The following GPC5 variants were observed in gnomAD, a reference collection of about 807,000 sequenced individuals.
GPC5 encodes the protein glypican-5.
Under a neutral mutation model 53.9 loss-of-function variants are expected in GPC5, and 47 were observed. That is an observed-to-expected ratio of 0.87 (90% CI 0.69 to 1.11). The LOEUF (loss-of-function observed/expected upper bound fraction) is 1.11. Among genes scored for constraint, GPC5 ranks in the 50% most tolerant of loss-of-function variants. The pLI is 0.00. For synonymous variants in GPC5, 286 were observed against 263.3 expected, an observed-to-expected ratio of 1.09 and a Z score of -0.84; for missense variants, 748 against 713.1, an observed-to-expected ratio of 1.05 and a Z score of -0.56.
rs191877055 is a variant in GPC5 at position 91,451,824 on chromosome 13, A to C, written c.325+2902A>C. Among the ~76,000 whole-genome samples, 633 of 150,886 alleles carry C rather than the reference A, an allele frequency of 4.2e-3. 3 individuals carry two copies. Among genetic ancestry groups the C allele is most frequent in the Non-Finnish European group, 7.5e-3 (506 of 67,646 alleles). On this transcript the variant is annotated intron_variant, in intron 2 of 7. Transcript: ENST00000377067. ...GTAGAGACGGGGTTTCAACATGTTG[A>C]CCAGGCTGGTCTTGAACTTCTGACC...
chr13:92,745,594 A>G (rs1889221517), intron 7 of GPC5, among the ~76,000 whole-genome samples: 1 of 152,098 alleles, frequency 6.6e-6, no homozygotes, highest in Non-Finnish European at 1.5e-5. Context: ...TCTGGTCATT[A>G]GGGTAAAATA....
chr13:91,904,140 CTTTTTT>C (rs57293387), intron 5 of GPC5, among the ~76,000 whole-genome samples: 1 of 94,668 alleles, frequency 1.1e-5, no homozygotes, highest in Non-Finnish European at 2.0e-5. Context: ...TCTTTTCTTT[CTTTTTT>C]TTTTTTTTTT....
rs575303716 is a variant in GPC5, at chr13:92,691,850, A to G, written c.1562-174432A>G. 2.0e-4 allele frequency among the ~76,000 whole-genome samples: 30 copies of G among 151,950 alleles called. No homozygotes were observed. The South Asian group carries it at 5.2e-3, about 26-fold the overall frequency. The stretch of plus-strand genomic sequence containing the variant: ...ATTACAGTTTTACACCTTCAATTCA[A>G]TTATTGCTGATATGGAAAAACTTTT... On this transcript the variant is annotated intron_variant, in intron 7 of 7. Transcript: ENST00000377067.
At chr13:91,831,666 TA>T (rs2038661111) in intron 5 of GPC5, among the ~76,000 whole-genome samples, 1 of 150,734 alleles carries the variant, frequency 6.6e-6, no homozygotes, top group Non-Finnish European at 1.5e-5. Context: ...TCATTAATCC[TA>T]AAACTTTGAA....
At chr13:92,855,193 T>C (rs957760719) in intron 7 of GPC5, among the ~76,000 whole-genome samples, 4 of 152,020 alleles carry the variant, frequency 2.6e-5, no homozygotes, top group African/African-American at 7.2e-5. Context: ...CTAGTATATA[T>C]AGCACCAGGC....
Position 91,413,354 on chromosome 13 carries a change from T to TA in GPC5, c.163+14156dup, listed in dbSNP as rs35283458. Among the ~76,000 whole-genome samples the TA allele has an allele frequency of 4.9e-3, 723 of 146,152 alleles. 7 individuals carry two copies. Among genetic ancestry groups the TA allele is most frequent in the African/African-American group, 0.015 (615 of 40,076 alleles). On this transcript the variant is annotated intron_variant, in intron 1 of 7. Coordinates refer to ENST00000377067, the MANE Select transcript of GPC5 (RefSeq NM_004466.6). ...AGGAAAAAGCAAATATGGCCCCACT[T>TA]AAAAAAAAAAACTACTTACATATCG...
chr13:91,861,930 T>C (rs911265365), intron 5 of GPC5, among the ~76,000 whole-genome samples: 1 of 151,752 alleles, frequency 6.6e-6, no homozygotes, highest in Non-Finnish European at 1.5e-5. Context: ...ATATACAATG[T>C]AAAAAACTGA....
intron 4 of GPC5, among the ~76,000 whole-genome samples, chr13:91,732,694 T>A (rs2036727525): frequency 6.6e-6 from 1 of 152,214 alleles, no homozygotes; most frequent in Admixed American, 6.5e-5. Flanking sequence ...GAGTTAATTT[T>A]TATATAGGGT....
intron 5 of GPC5, among the ~76,000 whole-genome samples, chr13:91,781,125 CAAGCTT>C (rs2037792261): frequency 6.6e-6 from 1 of 152,144 alleles, no homozygotes; most frequent in Admixed American, 6.6e-5. Flanking sequence ...CACAAGTGCA[CAAGCTT>C]AATAAAGGCA....
At chr13:92,788,848 C>T (rs1197438397) in intron 7 of GPC5, among the ~76,000 whole-genome samples, 2 of 152,120 alleles carry the variant, frequency 1.3e-5, no homozygotes, top group African/African-American at 2.4e-5. Flanking sequence ...GGAAAAGCCT[C>T]GGTGTATGGC....
intron 7 of GPC5, among the ~76,000 whole-genome samples, chr13:92,224,282 A>G (rs1208058076): frequency 6.6e-6 from 1 of 152,228 alleles, no homozygotes; most frequent in Non-Finnish European, 1.5e-5. Context: ...AACGGAGAAT[A>G]ATAAATGAAG....
intron 2 of GPC5, among the ~76,000 whole-genome samples, chr13:91,540,898 AAC>A (rs1375321838): frequency 2.0e-5 from 3 of 152,168 alleles, no homozygotes; most frequent in African/African-American, 7.2e-5. Context: ...AGAAAAAAAA[AAC>A]AGTGGCCACA....
intron 7 of GPC5, among the ~76,000 whole-genome samples, chr13:92,739,649 C>T (rs1321962012): frequency 2.6e-5 from 4 of 151,146 alleles, no homozygotes; most frequent in African/African-American, 9.7e-5. Flanking sequence ...TCTTCAGCAA[C>T]ATCAATTTTT....
rs1252222872 is a variant in GPC5 at position 91,548,041 on chromosome 13, T to G, written c.325+99119T>G. ...AATGAAGAGAAACTAGAAGCTTTCC[T>G]AGCAAGATCAGGAGCAAAGCAATTA... On this transcript the variant is annotated intron_variant, in intron 2 of 7. Coordinates refer to ENST00000377067, the MANE Select transcript of GPC5 (RefSeq NM_004466.6). 5.3e-5 allele frequency among the ~76,000 whole-genome samples: 8 copies of G among 152,144 alleles called. No individual in the cohort carries two copies. In the East Asian group the frequency reaches 1.5e-3, roughly 29 times the overall value.
intron 2 of GPC5, among the ~76,000 whole-genome samples, chr13:91,552,948 A>G (rs2030732642): frequency 6.6e-6 from 1 of 152,152 alleles, no homozygotes; most frequent in Non-Finnish European, 1.5e-5. Context: ...ACCAGAATAC[A>G]TCTTAAAGTT....
chr13:92,312,062 C>T (rs1038301252), intron 7 of GPC5, among the ~76,000 whole-genome samples: 1 of 152,108 alleles, frequency 6.6e-6, no homozygotes, highest in Non-Finnish European at 1.5e-5. Context: ...ATTTTGACCA[C>T]TTAAAGGGTT....
chr13:91,736,666 T>C (rs342711), intron 4 of GPC5, among the ~76,000 whole-genome samples: 95,744 of 151,046 alleles, frequency 0.63, 31,290 homozygotes, highest in South Asian at 0.75. Context: ...GTGTAATTCA[T>C]ACAAAAGGGA....
At chr13:92,388,636 T>C (rs1874853859) in intron 7 of GPC5, among the ~76,000 whole-genome samples, 1 of 152,088 alleles carries the variant, frequency 6.6e-6, no homozygotes, top group Admixed American at 6.6e-5. Flanking sequence ...GATGATACAG[T>C]AGGAAAACTT....
intron 7 of GPC5, among the ~76,000 whole-genome samples, chr13:92,833,431 C>G (rs2138823919): frequency 6.6e-6 from 1 of 152,254 alleles, no homozygotes; most frequent in East Asian, 1.9e-4. Context: ...ATCTGTTTAA[C>G]TGTGGAATAG....
Sources: allele counts gnomAD v4.1 joint callset (sites outside exome capture counted in the v4.1 genomes callset), GRCh38; gene constraint gnomAD v4.1.1; transcripts MANE v1.5; gene names NCBI Gene and HGNC (gene_info 2026-07-23, HGNC 2026-07-21).